PPP3CB: variants seen among roughly 807,000 people sequenced by gnomAD.
PPP3CB encodes protein phosphatase 3 catalytic subunit beta, also known as serine/threonine-protein phosphatase 2B catalytic subunit beta isoform.
A neutral mutation model predicts 66.4 loss-of-function variants in PPP3CB; 8 were observed. The ratio of observed to expected loss-of-function variants is 0.12; its 90% CI spans 0.07 to 0.22. The LOEUF (loss-of-function observed/expected upper bound fraction) is 0.22. Among genes scored for constraint, PPP3CB ranks in the 10% least tolerant of loss-of-function variants. The pLI, the probability that PPP3CB is intolerant of heterozygous loss-of-function variation, is 1.00. For synonymous variants in PPP3CB, 208 were observed against 221.2 expected (o/e 0.94, Z 0.53); for missense variants, 319 against 642.5 (o/e 0.50, Z 5.44).
chr10:73,454,512 A>C (rs765916693), intron 9 of PPP3CB, 23 bp from the exon 10 acceptor site: 10 of 1,544,226 alleles, frequency 6.5e-6, no homozygotes, highest in Non-Finnish European at 8.9e-6. Flanking sequence ...AAAAAGTTAC[A>C]TGTTAGCTGA....
intron 1 of PPP3CB, among the ~76,000 whole-genome samples, chr10:73,488,766 T>C (rs927101567): frequency 2.0e-5 from 3 of 152,206 alleles, no homozygotes; most frequent in Non-Finnish European, 2.9e-5. Flanking sequence ...CTTCCTGGCT[T>C]ACACCTGTTA....
At chr10:73,458,671 T>C (rs936263581) in intron 9 of PPP3CB, among the ~76,000 whole-genome samples, 3 of 150,510 alleles carry the variant, frequency 2.0e-5, no homozygotes, top group East Asian at 1.9e-4. Flanking sequence ...TTAAAATATA[T>C]TTTACATATG....
chr10:73,450,770 G>C (rs75396108), intron 10 of PPP3CB, among the ~76,000 whole-genome samples: 6,787 of 152,140 alleles, frequency 0.045, 457 homozygotes, highest in African/African-American at 0.15. Flanking sequence ...CTCAGTTTCT[G>C]AATAAGAAAA....
chr10:73,459,341 C>T (rs2056482982), intron 9 of PPP3CB, among the ~76,000 whole-genome samples: 1 of 152,094 alleles, frequency 6.6e-6, no homozygotes, highest in African/African-American at 2.4e-5. Context: ...TAAAAATTAG[C>T]TGGGCATGGT....
intron 12 of PPP3CB, chr10:73,444,496 A>G: frequency 2.3e-6 from 3 of 1,323,556 alleles, no homozygotes; most frequent in Non-Finnish European, 3.1e-6. Context: ...TGAAAAGCTG[A>G]GGAACTGACC....
intron 1 of PPP3CB, among the ~76,000 whole-genome samples, chr10:73,495,078 T>G (rs1300523116): frequency 6.6e-6 from 1 of 152,222 alleles, no homozygotes; most frequent in African/African-American, 2.4e-5. Flanking sequence ...TGTGTGGGTG[T>G]GTGTTTGTAA....
chr10:73,489,019 G>C (rs2057031658), intron 1 of PPP3CB, among the ~76,000 whole-genome samples: 1 of 152,076 alleles, frequency 6.6e-6, no homozygotes, highest in Non-Finnish European at 1.5e-5. Flanking sequence ...GAAAACTTTG[G>C]ATCTTATTTT....
intron 9 of PPP3CB, among the ~76,000 whole-genome samples, chr10:73,466,560 A>C (rs1340003423): frequency 1.3e-5 from 2 of 152,200 alleles, no homozygotes; most frequent in Non-Finnish European, 2.9e-5. Flanking sequence ...TAAGCCCTTA[A>C]CTGGCCCCCT....
At chr10:73,473,044 G>T (rs1376879424) in intron 4 of PPP3CB, among the ~76,000 whole-genome samples, 1 of 149,520 alleles carries the variant, frequency 6.7e-6, no homozygotes, top group Non-Finnish European at 1.5e-5. Context: ...AGCAACCAGA[G>T]ATTCTACACT....
chr10:73,446,402 A>G, intron 11 of PPP3CB, 90 bp downstream of exon 11: 1 of 1,266,468 alleles, frequency 7.9e-7, no homozygotes, highest in Non-Finnish European at 1.1e-6. Flanking sequence ...ACCCGGCCCC[A>G]TTTTGCTTTT....
rs772163544 is a variant in PPP3CB, at chr10:73,479,379, T to C, written c.224A>G (p.Asn75Ser). 42 of 1,614,156 alleles carry C rather than the reference T, an allele frequency of 2.6e-5. No homozygotes were observed. The highest frequency in any genetic ancestry group is 8.9e-5 in the East Asian group (4 of 44,866). Residue 75 changes from asparagine to serine, a missense_variant, in exon 2 of 14, where the codon AAT becomes AGT. By Grantham distance (46) the Asn-to-Ser change is conservative. This residue lies in a region of PPP3CB where 104 missense variants were observed against 128.4 expected (regional missense o/e 0.81). Transcript: ENST00000360663. Reference protein sequence around the residue: ...VDEEIALRIINEGAAILRREK... With the variant: ...VDEEIALRIISEGAAILRREK... ...TCTCCGAAGGATGGCAGCACCCTCA[T>C]TGATAATTCTAAGCGCAATTTCTTC...
Position 73,474,044 on chromosome 10 carries a change from T to C in PPP3CB, c.523+875A>G, listed in dbSNP as rs1021335252. On this transcript the variant is annotated intron_variant, in intron 4 of 13. Transcript: ENST00000360663. ...ATTTTTTCCTGTTAGAAAAAATATA[T>C]ACATTTTTTTTTCCTGAGACAGAGT... 3.3e-5 allele frequency among the ~76,000 whole-genome samples: 5 copies of C among 152,264 alleles called. 1 individual carries two copies. The South Asian group carries it at 8.3e-4, about 25-fold the overall frequency.
intron 4 of PPP3CB, 114 bp from the exon 5 acceptor site, chr10:73,471,727 A>G: frequency 1.3e-6 from 1 of 776,756 alleles, no homozygotes; most frequent in South Asian, 2.2e-5. Flanking sequence ...TATATCTTAT[A>G]GCTATTTATA....
chr10:73,495,764 G>GCT (rs1425470969), intron 1 of PPP3CB, 41 bp downstream of exon 1: 5 of 1,550,832 alleles, frequency 3.2e-6, no homozygotes, highest in Non-Finnish European at 4.4e-6. Context: ...CACACAGCTA[G>GCT]CTCTTCAGGC....
Position 73,443,330 on chromosome 10 carries a change from A to AAGAAAGAAAGAG in PPP3CB, c.1366+1394_1366+1395insCTCTTTCTTTCT, listed in dbSNP as rs1458015567. ...AAAGAAAGAAAGAAAGAAAGAAAGA[A>AAGAAAGAAAGAG]AAAGAAAGAGAAGAGAAGAGAGAAA... On this transcript the variant is annotated intron_variant, in intron 12 of 13. Coordinates refer to ENST00000360663, the MANE Select transcript of PPP3CB (RefSeq NM_021132.4). Among the ~76,000 whole-genome samples, 10 of 138,122 alleles carry AAGAAAGAAAGAG rather than the reference A, an allele frequency of 7.2e-5. No homozygotes were observed. In the East Asian group the frequency reaches 1.4e-3, roughly 20 times the overall value. The allele number at this position is 138,122 out of a possible 152,430, so 90.6% of individuals were successfully genotyped here.
chr10:73,487,136 C>T (rs1333730381), intron 1 of PPP3CB, among the ~76,000 whole-genome samples: 2 of 152,176 alleles, frequency 1.3e-5, no homozygotes, highest in African/African-American at 2.4e-5. Flanking sequence ...GGCCACTGTA[C>T]TCCCGCCTGG....
chr10:73,467,699 C>G, intron 8 of PPP3CB, 21 bp from the exon 9 acceptor site: 1 of 1,509,964 alleles, frequency 6.6e-7, no homozygotes, highest in Non-Finnish European at 9.0e-7. Flanking sequence ...AGTTGAACAT[C>G]AATAACTTAA....
chr10:73,465,841 G>A (rs187504323), intron 9 of PPP3CB, among the ~76,000 whole-genome samples: 4 of 152,322 alleles, frequency 2.6e-5, no homozygotes, highest in African/African-American at 7.2e-5. Context: ...AAGAGTTTGA[G>A]AAGATTTTCT....
chr10:73,478,874 G>A (rs2056830604), intron 2 of PPP3CB, among the ~76,000 whole-genome samples: 1 of 152,166 alleles, frequency 6.6e-6, no homozygotes, highest in African/African-American at 2.4e-5. Flanking sequence ...CATTTATAAA[G>A]ATCGTCTCTA....
Sources: allele counts gnomAD v4.1 joint callset (sites outside exome capture counted in the v4.1 genomes callset), GRCh38; gene constraint gnomAD v4.1.1; regional missense constraint gnomAD v4.1.1; transcripts MANE v1.5; gene names NCBI Gene and HGNC (gene_info 2026-07-23, HGNC 2026-07-21).